The following CIMIP2A variants were observed in gnomAD, a reference collection of about 807,000 sequenced individuals.
The protein encoded by CIMIP2A is ciliary microtubule inner protein 2A.
chr9:137,247,648 C>G, the CIMIP2A span: 3 of 1,611,956 alleles, frequency 1.9e-6, no homozygotes, highest in Non-Finnish European at 2.5e-6. Flanking sequence ...CTCCAGAGCT[C>G]CCGGCTCTCA....
the CIMIP2A span, chr9:137,251,151 C>T: frequency 1.4e-6 from 1 of 716,372 alleles, no homozygotes; most frequent in South Asian, 1.5e-5. Flanking sequence ...GAGGGGCCCA[C>T]CAGGGGTCGG....
chr9:137,250,250 G>C, the CIMIP2A span: 1 of 152,256 alleles, frequency 6.6e-6, no homozygotes, highest in African/African-American at 2.4e-5. Context: ...CGGTGGCAAC[G>C]TTTATTACAG....
the CIMIP2A span, chr9:137,244,068 T>G: frequency 2.5e-6 from 3 of 1,221,010 alleles, no homozygotes; most frequent in South Asian, 1.3e-5. Flanking sequence ...CTGGTAATGG[T>G]CAGACAGGTG....
the CIMIP2A span, among the ~76,000 whole-genome samples, chr9:137,254,095 G>A: frequency 3.3e-5 from 5 of 152,176 alleles, no homozygotes; most frequent in African/African-American, 2.4e-5. Context: ...CCTTACCTGC[G>A]GTGCCGTCAC....
chr9:137,243,689 T>C, the CIMIP2A span: 1 of 1,614,130 alleles, frequency 6.2e-7, no homozygotes, highest in Non-Finnish European at 8.5e-7. Context: ...GACACCACCA[T>C]TAAAGCATTT....
At chr9:137,243,832 G>C in the CIMIP2A span, 1 of 1,590,476 alleles carries the variant, frequency 6.3e-7, no homozygotes. Flanking sequence ...TATGTGCCCA[G>C]GACCAGCATG....
chr9:137,246,055 G>A, the CIMIP2A span, among the ~76,000 whole-genome samples: 12 of 152,330 alleles, frequency 7.9e-5, no homozygotes, highest in Admixed American at 5.2e-4. Context: ...CTGAACAGGC[G>A]GCACACACCA....
At chr9:137,252,760 C>T in the CIMIP2A span, 36 of 1,561,032 alleles carry the variant, frequency 2.3e-5, no homozygotes, top group Non-Finnish European at 3.1e-5. Flanking sequence ...CTGAAGGCCA[C>T]ACCCACCTAG....
At chr9:137,245,714 C>G in the CIMIP2A span, 3 of 1,603,300 alleles carry the variant, frequency 1.9e-6, 1 homozygote, top group South Asian at 3.3e-5. Context: ...CTGAAGTCCT[C>G]AATGAACTTG....
the CIMIP2A span, chr9:137,243,709 G>A: frequency 1.9e-6 from 3 of 1,614,178 alleles, no homozygotes; most frequent in Non-Finnish European, 1.7e-6. Context: ...TTCATAGTGT[G>A]TGGTTTCGCT....
the CIMIP2A span, chr9:137,253,320 C>G: frequency 6.4e-7 from 1 of 1,553,360 alleles, no homozygotes; most frequent in South Asian, 1.2e-5. Context: ...TCCCAGGCCT[C>G]CCCTGGGACT....
At chr9:137,246,854 C>T in the CIMIP2A span, among the ~76,000 whole-genome samples, 25 of 152,210 alleles carry the variant, frequency 1.6e-4, no homozygotes, top group African/African-American at 6.0e-4. Context: ...TGGTTTCTTC[C>T]CAGCCTTTCC....
At chr9:137,254,797 G>A in the CIMIP2A span, among the ~76,000 whole-genome samples, 1 of 152,148 alleles carries the variant, frequency 6.6e-6, no homozygotes, top group African/African-American at 2.4e-5. Flanking sequence ...CCCGGTGCCT[G>A]GGAGGGCGGC....
the CIMIP2A span, chr9:137,251,367 C>T: frequency 1.2e-6 from 2 of 1,613,208 alleles, no homozygotes; most frequent in East Asian, 2.2e-5. Context: ...CCCATGGTCA[C>T]CTGAGGCAGA....
chr9:137,253,031 T>G, the CIMIP2A span: 5 of 915,594 alleles, frequency 5.5e-6, no homozygotes, highest in Non-Finnish European at 8.2e-6. Context: ...GGACAAGGGT[T>G]CAGGGGCCGG....
chr9:137,244,816 CAG>C, the CIMIP2A span: 3 of 1,576,906 alleles, frequency 1.9e-6, no homozygotes, highest in Non-Finnish European at 1.7e-6. Flanking sequence ...TCAGACGTGT[CAG>C]GGAAGCCAGG....
chr9:137,244,383 T>TCCGTGGGAAAGCTGCTAATGCTC, the CIMIP2A span: 21 of 1,588,886 alleles, frequency 1.3e-5, no homozygotes, highest in Non-Finnish European at 1.7e-5. Context: ...GGGCCGGCAC[T>TCCGTGGGAAAGCTGCTAATGCTC]CCGTGGGAAA....
chr9:137,253,481 C>G, the CIMIP2A span: 16 of 1,432,570 alleles, frequency 1.1e-5, no homozygotes, highest in African/African-American at 1.4e-5. Flanking sequence ...TTGGTTTTCC[C>G]GAGCTCTGTG....
chr9:137,251,016 C>A, the CIMIP2A span: 2 of 459,124 alleles, frequency 4.4e-6, no homozygotes, highest in South Asian at 2.1e-5. Context: ...CCAGGAGACC[C>A]CAGGGTGCAG....
Sources: gnomAD v4.1 joint callset for allele counts (sites outside exome capture counted in the v4.1 genomes callset) on GRCh38, gnomAD v4.1.1 for gene constraint, MANE v1.5 for transcripts, NCBI Gene and HGNC (gene_info 2026-07-23, HGNC 2026-07-21) for gene names.